The following NDUFAF6 variants were observed in gnomAD, a reference collection of about 807,000 sequenced individuals.
NDUFAF6 encodes the protein NADH dehydrogenase (ubiquinone) complex I, assembly factor 6.
NDUFAF6 carries 45 observed loss-of-function variants against 40.8 expected under a neutral mutation model. That is an observed-to-expected ratio of 1.10 (90% confidence interval 0.87 to 1.42). The LOEUF is 1.42. NDUFAF6 is among the 40% of genes most tolerant of loss of function. The probability of loss-of-function intolerance (pLI) is 0.00; values close to 1 mark genes in which losing one functional copy is unlikely to be tolerated. For missense variants in NDUFAF6, 435 were observed against 418.5 expected, an observed-to-expected ratio of 1.04 and a Z score of -0.34; for synonymous variants, 185 against 155.9, an observed-to-expected ratio of 1.19 and a Z score of -1.39.
intron 2 of NDUFAF6, among the ~76,000 whole-genome samples, chr8:94,995,012 G>A (rs1234030839): frequency 1.3e-5 from 2 of 152,184 alleles, no homozygotes; most frequent in Non-Finnish European, 1.5e-5. Context: ...TTCAAAGCAG[G>A]ATCTCAAAGA....
chr8:95,040,840 C>T (rs182161947), intron 3 of NDUFAF6: 1 of 150,408 alleles, frequency 6.6e-6, no homozygotes, highest in Non-Finnish European at 1.5e-5. Flanking sequence ...TGAATCTCTC[C>T]CCTGCCTCAC....
intron 2 of NDUFAF6, among the ~76,000 whole-genome samples, chr8:94,949,635 G>T (rs927475821): frequency 1.3e-5 from 2 of 152,132 alleles, no homozygotes; most frequent in Non-Finnish European, 2.9e-5. Flanking sequence ...GGAGGGAAGC[G>T]CTGGGGCCGG....
upstream of NDUFAF6, among the ~76,000 whole-genome samples, chr8:94,955,468 G>A (rs536626691): frequency 8.5e-5 from 13 of 152,278 alleles, no homozygotes; most frequent in African/African-American, 3.1e-4. Context: ...ACCTCTTAAA[G>A]GTCCACCTGT....
At chr8:95,063,239 G>A (rs1477457165), downstream of NDUFAF6, among the ~76,000 whole-genome samples, 14 of 152,188 alleles carry the variant, frequency 9.2e-5, no homozygotes, top group Admixed American at 9.2e-4. Context: ...AGTGCCTTTT[G>A]AATCAGATAT....
At chr8:94,907,556 C>G (rs1818473258) in intron 1 of NDUFAF6, among the ~76,000 whole-genome samples, 1 of 152,180 alleles carries the variant, frequency 6.6e-6, no homozygotes, top group Non-Finnish European at 1.5e-5. Context: ...CTGTGATTAT[C>G]CCATATACCC....
At chr8:94,924,089 C>G (rs1819690477) in intron 1 of NDUFAF6, among the ~76,000 whole-genome samples, 2 of 152,058 alleles carry the variant, frequency 1.3e-5, no homozygotes, top group Admixed American at 1.3e-4. Context: ...GAGACGTAGT[C>G]TCGCTCTGTC....
At chr8:94,936,784 C>T (rs1821017527) in intron 1 of NDUFAF6, among the ~76,000 whole-genome samples, 4 of 152,164 alleles carry the variant, frequency 2.6e-5, no homozygotes, top group African/African-American at 4.8e-5. Flanking sequence ...GATATATCTC[C>T]GTGTGCTCCC....
At chr8:95,111,575 A>G (rs908423861) in intron 4 of NDUFAF6, among the ~76,000 whole-genome samples, 2 of 152,180 alleles carry the variant, frequency 1.3e-5, no homozygotes, top group African/African-American at 4.8e-5. Context: ...TTGCTCGTGT[A>G]GGTAGTGCCT....
chr8:94,922,491 T>G (rs1167037879), intron 1 of NDUFAF6, among the ~76,000 whole-genome samples: 2 of 151,616 alleles, frequency 1.3e-5, no homozygotes, highest in African/African-American at 4.8e-5. Context: ...TTTTTTTTTT[T>G]TTTTTGAGGC....
At chr8:95,111,722 A>G (rs903483460) in intron 4 of NDUFAF6, among the ~76,000 whole-genome samples, 3 of 152,186 alleles carry the variant, frequency 2.0e-5, no homozygotes, top group Middle Eastern at 3.2e-3. Flanking sequence ...GTCCACCTCT[A>G]ACAATAACCA....
At chr8:94,958,450 C>T (rs983736805) in intron 1 of NDUFAF6, among the ~76,000 whole-genome samples, 6 of 148,606 alleles carry the variant, frequency 4.0e-5, no homozygotes, top group African/African-American at 1.0e-4. Context: ...ACTAGTCATA[C>T]GGGATTAGGG....
At chr8:95,043,146 AC>A (rs1319281612) in intron 4 of NDUFAF6, among the ~76,000 whole-genome samples, 1 of 148,558 alleles carries the variant, frequency 6.7e-6, no homozygotes, top group African/African-American at 2.5e-5. Flanking sequence ...GTGCAGTGAC[AC>A]GATCTCGGCT....
chr8:95,044,666 G>C (rs1830532686), intron 4 of NDUFAF6: 1 of 151,676 alleles, frequency 6.6e-6, no homozygotes, highest in Non-Finnish European at 1.5e-5. Flanking sequence ...ATGTTGGCTA[G>C]GCTGGTCTTG....
upstream of NDUFAF6, among the ~76,000 whole-genome samples, chr8:95,099,855 T>G (rs1248702808): frequency 6.6e-6 from 1 of 152,224 alleles, no homozygotes; most frequent in African/African-American, 2.4e-5. Flanking sequence ...TCGTTTCCTA[T>G]AATACGGCAT....
Position 94,987,491 on chromosome 8 carries a change from A to G in NDUFAF6, c.-84+6518A>G, listed in dbSNP as rs142314958. Reference sequence around the variant, plus strand: ...CACAAGTACTCATTTGTGGGACTCAATATGTTCCCAGCCACAACAGAGCAT... The same window carrying G: ...CACAAGTACTCATTTGTGGGACTCAGTATGTTCCCAGCCACAACAGAGCAT... On this transcript the variant is annotated intron_variant, in intron 2 of 9. Transcript: ENST00000396111. Among the ~76,000 whole-genome samples, 792 of 133,918 alleles carry G rather than the reference A, an allele frequency of 5.9e-3. 1 individual carries two copies. The highest frequency in any genetic ancestry group is 8.6e-3 in the Non-Finnish European group (522 of 60,848). The allele number at this position is 133,918 out of a possible 152,430, so 87.9% of individuals were successfully genotyped here. A position where few individuals can be genotyped will look rare whatever the true frequency, so the allele number is the denominator to read the frequency against.
intron 4 of NDUFAF6, among the ~76,000 whole-genome samples, chr8:95,111,687 C>T (rs917421355): frequency 1.3e-5 from 2 of 152,164 alleles, no homozygotes; most frequent in Non-Finnish European, 2.9e-5. Flanking sequence ...CCAAAATAGT[C>T]ATCTGGGATC....
At chr8:94,954,385 C>G (rs1174424405), upstream of NDUFAF6, among the ~76,000 whole-genome samples, 1 of 152,162 alleles carries the variant, frequency 6.6e-6, no homozygotes, top group African/African-American at 2.4e-5. Flanking sequence ...TTAATGAGCA[C>G]TTACTCTATG....
chr8:95,110,248 C>A (rs1473022092), intron 4 of NDUFAF6, among the ~76,000 whole-genome samples: 1 of 152,196 alleles, frequency 6.6e-6, no homozygotes, highest in African/African-American at 2.4e-5. Flanking sequence ...ATCTCGCCTA[C>A]AACAAACTGC....
At chr8:94,940,368 T>G (rs1016080627) in intron 1 of NDUFAF6, 9 of 892,580 alleles carry the variant, frequency 1.0e-5, no homozygotes, top group African/African-American at 1.0e-4. Context: ...GATGCTCACG[T>G]ATCTTCTTTT....
Sources: allele counts gnomAD v4.1 joint callset (sites outside exome capture counted in the v4.1 genomes callset), GRCh38; gene constraint gnomAD v4.1.1; transcripts MANE v1.5; gene names NCBI Gene and HGNC (gene_info 2026-07-23, HGNC 2026-07-21).